FAT3: variants seen among roughly 807,000 people sequenced by gnomAD.
FAT3 encodes protocadherin Fat 3.
Under a neutral mutation model 310.2 loss-of-function variants are expected in FAT3, and 95 were observed. The ratio of observed to expected loss-of-function variants is 0.31; its 90% CI spans 0.26 to 0.36. FAT3 has a LOEUF of 0.36. Among genes scored for constraint, FAT3 ranks in the 10% least tolerant of loss-of-function variants. The probability of loss-of-function intolerance (pLI) is 1.00; values close to 1 mark genes in which losing one functional copy is unlikely to be tolerated. For missense variants in FAT3, 5,408 were observed against 5,715.6 expected, an observed-to-expected ratio of 0.95 and a Z score of 1.74; for synonymous variants, 2,314 against 2,192.9, an observed-to-expected ratio of 1.06 and a Z score of -1.54.
chr11:92,466,635 G>A (rs921431914), intron 2 of FAT3, among the ~76,000 whole-genome samples: 1 of 150,746 alleles, frequency 6.6e-6, no homozygotes, highest in African/African-American at 2.4e-5. Flanking sequence ...ACAATGTGCA[G>A]GTTAATTACA....
intron 3 of FAT3, among the ~76,000 whole-genome samples, chr11:92,678,609 G>A (rs1943367561): frequency 6.6e-6 from 1 of 152,096 alleles, no homozygotes; most frequent in Non-Finnish European, 1.5e-5. Flanking sequence ...GCATTGCTAT[G>A]AGACCAAACT....
intron 3 of FAT3, among the ~76,000 whole-genome samples, chr11:92,632,256 A>G (rs561816): frequency 0.57 from 87,109 of 152,054 alleles, 26,714 homozygotes; most frequent in African/African-American, 0.8. Flanking sequence ...GACTAGGCAC[A>G]GTATGGATAA....
intron 1 of FAT3, among the ~76,000 whole-genome samples, chr11:92,276,227 A>G (rs1946266350): frequency 6.6e-6 from 1 of 152,204 alleles, no homozygotes; most frequent in Non-Finnish European, 1.5e-5. Context: ...CTAGCAGTAT[A>G]ATACATTTTT....
At chr11:92,712,994 C>A (rs1277753926) in intron 4 of FAT3, among the ~76,000 whole-genome samples, 1 of 152,176 alleles carries the variant, frequency 6.6e-6, no homozygotes, top group Non-Finnish European at 1.5e-5. Flanking sequence ...AGCTTGAAAT[C>A]AGCACTCTGA....
intron 19 of FAT3, among the ~76,000 whole-genome samples, chr11:92,846,348 G>A (rs939787065): frequency 4.6e-5 from 7 of 152,200 alleles, no homozygotes; most frequent in African/African-American, 1.7e-4. Context: ...ACTGCCCTTA[G>A]GAGCTGACAA....
intron 3 of FAT3, among the ~76,000 whole-genome samples, chr11:92,669,268 G>A (rs542269386): frequency 7.0e-4 from 106 of 152,214 alleles, no homozygotes; most frequent in Admixed American, 3.4e-3. Flanking sequence ...GACAGATCCC[G>A]GCTCCAAAGT....
At chr11:92,431,457 A>G (rs1205775035) in intron 2 of FAT3, among the ~76,000 whole-genome samples, 1 of 152,146 alleles carries the variant, frequency 6.6e-6, no homozygotes, top group Non-Finnish European at 1.5e-5. Flanking sequence ...CCTATTCTGT[A>G]GGTTGCCTGT....
At chr11:92,480,090 C>A (rs1188490073) in intron 2 of FAT3, among the ~76,000 whole-genome samples, 1 of 152,018 alleles carries the variant, frequency 6.6e-6, no homozygotes, top group Non-Finnish European at 1.5e-5. Context: ...ACGGTGAAAC[C>A]CCATCTCTAC....
intron 1 of FAT3, among the ~76,000 whole-genome samples, chr11:92,252,977 C>T (rs537705183): frequency 3.9e-5 from 6 of 152,232 alleles, no homozygotes; most frequent in African/African-American, 1.4e-4. Flanking sequence ...GCAGATATTC[C>T]ATTTGGCTTT....
chr11:92,428,205 G>A (rs1264518181), intron 2 of FAT3, among the ~76,000 whole-genome samples: 1 of 151,664 alleles, frequency 6.6e-6, no homozygotes, highest in African/African-American at 2.4e-5. Context: ...GTATTTCTGT[G>A]GGATCAGTGG....
intron 3 of FAT3, among the ~76,000 whole-genome samples, chr11:92,642,683 A>AG (rs1182543652): frequency 3.3e-5 from 5 of 152,226 alleles, no homozygotes; most frequent in South Asian, 2.1e-4. Context: ...GAGAGCATTG[A>AG]GACAGGGCTT....
At chr11:92,253,454 A>T (rs963960) in intron 1 of FAT3, among the ~76,000 whole-genome samples, 47,788 of 151,812 alleles carry the variant, frequency 0.31, 9,070 homozygotes, top group African/African-American at 0.53. Context: ...ACTTGGCATA[A>T]TTAGTCATGT....
At chr11:92,467,206 A>C (rs1402319850) in intron 2 of FAT3, among the ~76,000 whole-genome samples, 1 of 152,042 alleles carries the variant, frequency 6.6e-6, no homozygotes, top group Admixed American at 6.6e-5. Context: ...AACAGTGTAA[A>C]AGTGTTCCTA....
chr11:92,800,785 T>C lies in FAT3; in HGVS notation c.7772T>C (p.Val2591Ala). The change falls in exon 10 of 28, where the codon GTG becomes GCG. Residue 2591 changes from valine (V) to alanine (A), a missense_variant. Physicochemically the swap from Val to Ala is moderately conservative, Grantham distance 64 (BLOSUM62 0). Transcript: ENST00000525166. ...TTCTGCACTGTGAGAGTGATTGTTGTGGATGAAAATGACAATGCTCCCCAG... is the reference window on the plus strand; with the variant it reads ...TTCTGCACTGTGAGAGTGATTGTTGCGGATGAAAATGACAATGCTCCCCAG... ...TTFCTVRVIVVDENDNAPQFM... is the reference protein window; with the variant it reads ...TTFCTVRVIVADENDNAPQFM... 6.2e-7 allele frequency: 1 copy of C among 1,613,836 alleles called. No individual in the cohort carries two copies. The highest frequency in any genetic ancestry group is 2.2e-5 in the East Asian group (1 of 44,850).
chr11:92,741,553 A>G (rs1025355332), intron 4 of FAT3, among the ~76,000 whole-genome samples: 1 of 152,226 alleles, frequency 6.6e-6, no homozygotes, highest in Non-Finnish European at 1.5e-5. Context: ...CTGAATATAC[A>G]TACATGAAAA....
chr11:92,787,836 G>GAGAATTTAAGC (rs1946935087), intron 7 of FAT3, among the ~76,000 whole-genome samples: 1 of 151,886 alleles, frequency 6.6e-6, no homozygotes, highest in Non-Finnish European at 1.5e-5. Context: ...TAATTTTGAT[G>GAGAATTTAAGC]ATGTCATTAA....
At chr11:92,717,047 GA>G (rs1944712402) in intron 4 of FAT3, among the ~76,000 whole-genome samples, 2 of 152,194 alleles carry the variant, frequency 1.3e-5, no homozygotes, top group Non-Finnish European at 2.9e-5. Context: ...ATTGTAAAAT[GA>G]AGATAATAAC....
intron 2 of FAT3, among the ~76,000 whole-genome samples, chr11:92,452,908 G>A (rs1319820694): frequency 6.6e-6 from 1 of 151,970 alleles, no homozygotes; most frequent in African/African-American, 2.4e-5. Flanking sequence ...TGAGTAGCTG[G>A]GACTATAGGT....
intron 4 of FAT3, among the ~76,000 whole-genome samples, chr11:92,698,526 G>A (rs745362701): frequency 3.7e-4 from 56 of 151,952 alleles, no homozygotes; most frequent in Non-Finnish European, 7.1e-4. Flanking sequence ...TCACTCTTAG[G>A]ATCAAACCTT....
Sources: allele counts gnomAD v4.1 joint callset (sites outside exome capture counted in the v4.1 genomes callset), GRCh38; gene constraint gnomAD v4.1.1; transcripts MANE v1.5; gene names NCBI Gene and HGNC (gene_info 2026-07-23, HGNC 2026-07-21).